AGBL4: variants seen among roughly 807,000 people sequenced by gnomAD.
AGBL4 encodes the protein AGBL carboxypeptidase 4.
AGBL4 carries 58 observed loss-of-function variants against 66.4 expected under a neutral mutation model. That is an observed-to-expected ratio of 0.87 (90% CI 0.71 to 1.09). AGBL4 has a LOEUF of 1.09. Ranked by LOEUF, AGBL4 falls within the 50% of genes least tolerant of loss-of-function variation. The pLI is 0.00. For synonymous variants in AGBL4, 234 were observed against 222.9 expected (o/e 1.05, Z -0.44); for missense variants, 579 against 631.0 (o/e 0.92, Z 0.88).
At chr1:48,880,626 C>A (rs1166991658) in intron 5 of AGBL4, among the ~76,000 whole-genome samples, 3 of 152,052 alleles carry the variant, frequency 2.0e-5, no homozygotes, top group African/African-American at 7.2e-5. Context: ...ATGCCAACAC[C>A]TATTATTTTT....
intron 5 of AGBL4, among the ~76,000 whole-genome samples, chr1:48,967,705 G>T (rs1016825956): frequency 6.6e-6 from 1 of 152,118 alleles, no homozygotes; most frequent in African/African-American, 2.4e-5. Context: ...GGGTAGAAAG[G>T]CAGGATAGAC....
intron 4 of AGBL4, among the ~76,000 whole-genome samples, chr1:49,138,253 T>C (rs1242914038): frequency 6.6e-6 from 1 of 152,090 alleles, no homozygotes; most frequent in Non-Finnish European, 1.5e-5. Context: ...ACAGAGCCTT[T>C]AAGGAGACGG....
At chr1:48,901,869 T>A (rs550388720) in intron 5 of AGBL4, among the ~76,000 whole-genome samples, 32 of 152,262 alleles carry the variant, frequency 2.1e-4, no homozygotes, top group Middle Eastern at 3.4e-3. Flanking sequence ...ATGCTGCTGA[T>A]AAAGACACAC....
chr1:48,994,971 C>A (rs1660889214), intron 5 of AGBL4, among the ~76,000 whole-genome samples: 2 of 152,042 alleles, frequency 1.3e-5, no homozygotes, highest in Admixed American at 1.3e-4. Context: ...AAAGAAAATA[C>A]AAAATTTCAA....
Position 49,843,296 on chromosome 1 carries a change from TTGTGTGTGTGTG to T in AGBL4, c.157+8088_157+8099del, listed in dbSNP as rs71307607. ...TGTGTGTCACCATGCCTAGCTAATT[TTGTGTGTGTGTG>T]TGTGTGTGTGTGTGGAGATGGGGAC... On this transcript the variant is annotated intron_variant, in intron 2 of 13. Transcript: ENST00000371839. Among the ~76,000 whole-genome samples, 13 of 147,876 alleles carry T rather than the reference TTGTGTGTGTGTG, an allele frequency of 8.8e-5. No individual in the cohort carries two copies. The East Asian group carries it at 1.6e-3, about 18-fold the overall frequency.
intron 3 of AGBL4, among the ~76,000 whole-genome samples, chr1:49,273,379 AAAG>A (rs1644101416): frequency 6.6e-6 from 1 of 151,482 alleles, no homozygotes; most frequent in African/African-American, 2.4e-5. Context: ...CATTTTTATA[AAAG>A]AATATAAACG....
intron 3 of AGBL4, among the ~76,000 whole-genome samples, chr1:49,437,570 C>T (rs1223161778): frequency 2.0e-5 from 3 of 151,970 alleles, no homozygotes; most frequent in Admixed American, 6.6e-5. Flanking sequence ...CTACTTTGGT[C>T]GAGTTATAGT....
intron 6 of AGBL4, among the ~76,000 whole-genome samples, chr1:48,723,914 G>A (rs989652890): frequency 6.6e-6 from 1 of 152,212 alleles, no homozygotes; most frequent in African/African-American, 2.4e-5. Flanking sequence ...GGGCCACTTG[G>A]GTGGCAGTGA....
In AGBL4 at chr1:49,132,180, T is replaced by C. The variant is rs1645911877; in HGVS notation, c.378-86380A>G. On this transcript the variant is annotated intron_variant, in intron 4 of 13. Coordinates refer to ENST00000371839, the MANE Select transcript of AGBL4 (RefSeq NM_032785.4). ...TGGAATTCATAAATTTAGGACAGTG[T>C]GGTTAACACGATCAAATTCCTGAAA... Among the ~76,000 whole-genome samples, 13 of 152,082 alleles carry C rather than the reference T, an allele frequency of 8.5e-5. No individual in the cohort carries two copies. The South Asian group carries it at 2.7e-3, about 32-fold the overall frequency.
At chr1:49,465,234 C>T (rs1376659666) in intron 3 of AGBL4, among the ~76,000 whole-genome samples, 1 of 150,598 alleles carries the variant, frequency 6.6e-6, no homozygotes, top group Non-Finnish European at 1.5e-5. Flanking sequence ...CACACACACA[C>T]ACACACACAC....
At chr1:48,754,131 G>A (rs1000512862) in intron 6 of AGBL4, among the ~76,000 whole-genome samples, 2 of 152,184 alleles carry the variant, frequency 1.3e-5, no homozygotes, top group African/African-American at 4.8e-5. Context: ...GGTACTTACA[G>A]TGTAACAAAC....
At chr1:49,494,210 A>G (rs556039814) in intron 3 of AGBL4, among the ~76,000 whole-genome samples, 8 of 152,058 alleles carry the variant, frequency 5.3e-5, no homozygotes, top group African/African-American at 1.7e-4. Flanking sequence ...TATATGAGCT[A>G]TGACTTTTGA....
intron 6 of AGBL4, among the ~76,000 whole-genome samples, chr1:48,732,180 C>A (rs1311235811): frequency 1.3e-5 from 2 of 151,778 alleles, no homozygotes; most frequent in Non-Finnish European, 2.9e-5. Flanking sequence ...GTACTATTCA[C>A]CAAGACAGGG....
intron 3 of AGBL4, among the ~76,000 whole-genome samples, chr1:49,456,724 G>A (rs771543930): frequency 6.6e-5 from 10 of 151,316 alleles, no homozygotes; most frequent in African/African-American, 1.2e-4. Flanking sequence ...CCCTCGCCCC[G>A]CTCCTACCCT....
intron 3 of AGBL4, among the ~76,000 whole-genome samples, chr1:49,384,541 C>T (rs1418855746): frequency 6.6e-6 from 1 of 151,904 alleles, no homozygotes; most frequent in Non-Finnish European, 1.5e-5. Flanking sequence ...TGCAGTGAGT[C>T]AAGATTATAC....
intron 2 of AGBL4, among the ~76,000 whole-genome samples, chr1:49,782,234 A>C (rs1054094451): frequency 1.3e-5 from 2 of 152,060 alleles, no homozygotes; most frequent in Non-Finnish European, 2.9e-5. Flanking sequence ...ATGACCAAGA[A>C]AGAACAAAGA....
chr1:49,685,948 G>A (rs1411359685), intron 3 of AGBL4, among the ~76,000 whole-genome samples: 1 of 152,100 alleles, frequency 6.6e-6, no homozygotes, highest in African/African-American at 2.4e-5. Context: ...TGCTTTTGGA[G>A]TATTTGTTAA....
intron 5 of AGBL4, among the ~76,000 whole-genome samples, chr1:49,018,860 C>A (rs369055310): frequency 3.9e-5 from 6 of 152,262 alleles, no homozygotes; most frequent in Non-Finnish European, 7.4e-5. Context: ...TAACAATATT[C>A]TCTGACCTTT....
intron 4 of AGBL4, among the ~76,000 whole-genome samples, chr1:49,158,588 T>C (rs920727680): frequency 6.6e-6 from 1 of 152,142 alleles, no homozygotes; most frequent in Admixed American, 6.6e-5. Context: ...TATTTTTGCC[T>C]GGTCAAGAGC....
Sources: gnomAD v4.1 joint callset for allele counts (sites outside exome capture counted in the v4.1 genomes callset) on GRCh38, gnomAD v4.1.1 for gene constraint, MANE v1.5 for transcripts, NCBI Gene and HGNC (gene_info 2026-07-23, HGNC 2026-07-21) for gene names.